Variants in SDK1 observed in about 807,000 individuals in gnomAD.
The protein encoded by SDK1 is protein sidekick-1.
A neutral mutation model predicts 245.5 loss-of-function variants in SDK1; 157 were observed. The observed-to-expected ratio is 0.64, with a 90% CI of 0.56 to 0.73. The LOEUF is 0.73. Ranked by LOEUF, SDK1 falls within the 30% of genes least tolerant of loss-of-function variation. SDK1 has a pLI of 0.00. For synonymous variants in SDK1, 1,647 were observed against 1,278.5 expected (o/e 1.29, Z -6.15); for missense variants, 3,583 against 3,002.3 (o/e 1.19, Z -4.52).
chr7:4,011,820 T>C (rs539883703), intron 15 of SDK1, among the ~76,000 whole-genome samples: 122 of 152,278 alleles, frequency 8.0e-4, no homozygotes, highest in African/African-American at 2.9e-3. Flanking sequence ...AGGCTTGCAG[T>C]CTTTCTAAAG....
At chr7:3,380,175 T>A (rs1028749615) in intron 1 of SDK1, among the ~76,000 whole-genome samples, 1 of 152,230 alleles carries the variant, frequency 6.6e-6, no homozygotes, top group African/African-American at 2.4e-5. Flanking sequence ...GTTTATCTTA[T>A]GGTTTGGCTT....
intron 35 of SDK1, among the ~76,000 whole-genome samples, chr7:4,192,381 T>G (rs1166395756): frequency 3.3e-5 from 5 of 152,190 alleles, no homozygotes; most frequent in Non-Finnish European, 7.3e-5. Flanking sequence ...GTTCACACCA[T>G]TCTCCTGCCT....
chr7:3,607,841 C>T (rs915221669), intron 1 of SDK1, among the ~76,000 whole-genome samples: 1 of 152,218 alleles, frequency 6.6e-6, no homozygotes, highest in African/African-American at 2.4e-5. Flanking sequence ...CAGGTGCTGG[C>T]GTAAGCATTC....
intron 1 of SDK1, among the ~76,000 whole-genome samples, chr7:3,492,417 C>T (rs192780476): frequency 5.8e-4 from 88 of 152,322 alleles, no homozygotes; most frequent in South Asian, 1.5e-3. Flanking sequence ...TGGCGTGAAC[C>T]GGCAAGGTGG....
chr7:4,175,963 C>T lies in SDK1; in HGVS notation c.4996+129C>T, dbSNP rs531320531. On this transcript the variant is annotated intron_variant, in intron 34 of 44. Transcript: ENST00000404826. ...TCCAGTTCTGGAATCGCCTCTCAAA[C>T]GCTGCGTCTCCACATACCAAACCAC... is the stretch of plus-strand genomic sequence containing the variant. The T allele has an allele frequency of 1.2e-3, 903 of 738,506 alleles. 2 individuals carry two copies. The highest frequency in any genetic ancestry group is 1.6e-3 in the Non-Finnish European group (682 of 420,210). The allele number at this position is 738,506 out of a possible 1,614,324, so 45.7% of individuals were successfully genotyped here.
At chr7:3,684,330 G>C (rs955934337) in intron 4 of SDK1, among the ~76,000 whole-genome samples, 1 of 152,170 alleles carries the variant, frequency 6.6e-6, no homozygotes, top group African/African-American at 2.4e-5. Flanking sequence ...ACAAAGCAAT[G>C]GGAGTCAGCC....
chr7:4,163,385 T>C (rs901445589), intron 32 of SDK1, among the ~76,000 whole-genome samples: 1 of 152,154 alleles, frequency 6.6e-6, no homozygotes, highest in Non-Finnish European at 1.5e-5. Context: ...AACAGTGGTC[T>C]AGACATGGCC....
At chr7:3,741,011 C>T (rs1197054323) in intron 4 of SDK1, among the ~76,000 whole-genome samples, 1 of 152,172 alleles carries the variant, frequency 6.6e-6, no homozygotes, top group Non-Finnish European at 1.5e-5. Flanking sequence ...GGGACCTATC[C>T]TTGTGATTAA....
chr7:3,377,740 A>G (rs1010046709), intron 1 of SDK1, among the ~76,000 whole-genome samples: 2 of 151,968 alleles, frequency 1.3e-5, no homozygotes, highest in South Asian at 2.1e-4. Flanking sequence ...CTTCCTAGCC[A>G]CGCTGTTCCA....
At chr7:3,964,144 AG>A (rs1781915809) in intron 9 of SDK1, among the ~76,000 whole-genome samples, 2 of 152,230 alleles carry the variant, frequency 1.3e-5, no homozygotes, top group African/African-American at 4.8e-5. Flanking sequence ...AGAAAATGGT[AG>A]TATCTGTTCA....
intron 5 of SDK1, among the ~76,000 whole-genome samples, chr7:3,903,474 A>C (rs1287598176): frequency 6.6e-6 from 1 of 151,998 alleles, no homozygotes; most frequent in Non-Finnish European, 1.5e-5. Context: ...GGAAAATTGG[A>C]AGTGTTGGCA....
chr7:3,360,510 C>T (rs1204705561), intron 1 of SDK1, among the ~76,000 whole-genome samples: 2 of 152,154 alleles, frequency 1.3e-5, no homozygotes, highest in East Asian at 1.9e-4. Flanking sequence ...AGTGGATTCT[C>T]TTGTTAATAT....
intron 5 of SDK1, among the ~76,000 whole-genome samples, chr7:3,835,600 C>G (rs1035928608): frequency 3.3e-5 from 5 of 152,206 alleles, no homozygotes; most frequent in Non-Finnish European, 5.9e-5. Context: ...CTATCCTGAA[C>G]TCTTAGCATA....
chr7:3,498,800 C>T (rs1314308745), intron 1 of SDK1, among the ~76,000 whole-genome samples: 1 of 149,752 alleles, frequency 6.7e-6, no homozygotes, highest in African/African-American at 2.5e-5. Flanking sequence ...TCAGCATGTT[C>T]TTGTATGCTG....
intron 35 of SDK1, among the ~76,000 whole-genome samples, chr7:4,196,222 C>T (rs769426674): frequency 6.6e-6 from 1 of 152,160 alleles, no homozygotes; most frequent in Non-Finnish European, 1.5e-5. Flanking sequence ...GATTCCAGGC[C>T]CTTGCCAACA....
chr7:3,853,290 A>G (rs953983321), intron 5 of SDK1, among the ~76,000 whole-genome samples: 1 of 152,144 alleles, frequency 6.6e-6, no homozygotes, highest in South Asian at 2.1e-4. Context: ...TCTGGAGTTC[A>G]TTTAGTAAAC....
rs1584176559 is a variant in SDK1, at chr7:4,113,159, A to G, written c.3435-130A>G. 2.4e-5 allele frequency: 24 copies of G among 988,598 alleles called. No individual in the cohort carries two copies. In the East Asian group the frequency reaches 5.6e-4, roughly 23 times the overall value. The allele number at this position is 988,598 out of a possible 1,614,324, so 61.2% of individuals were successfully genotyped here. On this transcript the variant is annotated intron_variant, in intron 23 of 44. Coordinates refer to ENST00000404826, the MANE Select transcript of SDK1 (RefSeq NM_152744.4). ...GGTGAAAAGAGGGTGTCCTTGAGCA[A>G]TAGCCTTTATGATATGAGTAGACAC...
intron 1 of SDK1, among the ~76,000 whole-genome samples, chr7:3,577,476 C>G (rs1407456379): frequency 6.6e-6 from 1 of 152,024 alleles, no homozygotes; most frequent in Non-Finnish European, 1.5e-5. Flanking sequence ...CTTTCATGCC[C>G]TACAGGATGG....
At chr7:4,002,642 TATAA>T (rs1785158335) in intron 14 of SDK1, among the ~76,000 whole-genome samples, 1 of 152,206 alleles carries the variant, frequency 6.6e-6, no homozygotes, top group African/African-American at 2.4e-5. Context: ...TTTTTTATGG[TATAA>T]ATAATGTACA....
Sources: allele counts gnomAD v4.1 joint callset (sites outside exome capture counted in the v4.1 genomes callset), GRCh38; gene constraint gnomAD v4.1.1; transcripts MANE v1.5; gene names NCBI Gene and HGNC (gene_info 2026-07-23, HGNC 2026-07-21).